CFAP69: variants seen among roughly 807,000 people sequenced by gnomAD.
CFAP69 encodes cilia and flagella associated protein 69.
Under a neutral mutation model 123.0 loss-of-function variants are expected in CFAP69, and 92 were observed. That is an observed-to-expected ratio of 0.75 (90% CI 0.63 to 0.89). CFAP69 has a LOEUF of 0.89. CFAP69 is among the 40% of genes least tolerant of loss of function. The pLI is 0.00. For missense variants in CFAP69, 1,067 were observed against 1,096.9 expected (o/e 0.97, Z 0.39); for synonymous variants, 380 against 364.3 (o/e 1.04, Z -0.49).
intron 15 of CFAP69, 70 bp downstream of exon 15, chr7:90,288,422 C>G: frequency 6.6e-7 from 1 of 1,510,106 alleles, no homozygotes; most frequent in Non-Finnish European, 9.0e-7. Context: ...AGTGAGGATA[C>G]TTTCTGAGAA....
At chr7:90,313,652 A>G (rs1584581810), downstream of CFAP69, among the ~76,000 whole-genome samples, 4 of 152,222 alleles carry the variant, frequency 2.6e-5, no homozygotes, top group Admixed American at 2.0e-4. Flanking sequence ...ATTATAAACC[A>G]AAGTATAAAC....
At chr7:90,259,497 T>C (rs1273117874) in intron 3 of CFAP69, among the ~76,000 whole-genome samples, 1 of 151,898 alleles carries the variant, frequency 6.6e-6, no homozygotes, top group Non-Finnish European at 1.5e-5. Context: ...TGTTTGTTTG[T>C]TTTTGACACA....
chr7:90,255,024 G>T (rs1212685056), intron 1 of CFAP69, among the ~76,000 whole-genome samples: 1 of 152,146 alleles, frequency 6.6e-6, no homozygotes, highest in Non-Finnish European at 1.5e-5. Context: ...GAGATAAGGG[G>T]ATACCTAGTT....
At chr7:90,272,520 T>C (rs1800101430) in intron 8 of CFAP69, among the ~76,000 whole-genome samples, 1 of 152,188 alleles carries the variant, frequency 6.6e-6, no homozygotes, top group Non-Finnish European at 1.5e-5. Context: ...TATTGTAAGA[T>C]GCTACATGTT....
In CFAP69 at chr7:90,282,961, G is replaced by A. The variant is rs368749822; in HGVS notation, c.1442G>A (p.Arg481His). 7.9e-5 allele frequency: 127 copies of A among 1,599,354 alleles called. No homozygotes were observed. Among genetic ancestry groups the A allele is most frequent in the African/African-American group, 1.3e-4 (10 of 74,076 alleles). ...CGAGGCAACAAGTTTGCCCAGATGC[G>A]TTACAGTTTAAGACTCCTGAGAGCC... is the stretch of plus-strand genomic sequence containing the variant. ...GGRGNKFAQM[R>H]YSLRLLRAVV... Residue 481 changes from arginine to histidine, a missense_variant, in exon 13 of 23, where the codon CGT becomes CAT. Physicochemically the swap from Arg to His is conservative, Grantham distance 29. Transcript: ENST00000389297.
chr7:90,307,939 T>A (rs1362733809), intron 21 of CFAP69, 85 bp downstream of exon 21: 1 of 831,632 alleles, frequency 1.2e-6, no homozygotes, highest in Non-Finnish European at 1.9e-6. Flanking sequence ...ATTCATTCAT[T>A]TTTTCCTAGT....
rs752904110 is a variant in CFAP69 at position 90,279,805 on chromosome 7, A to T, written c.1284A>T (p.Ser428=). 1.9e-6 allele frequency: 3 copies of T among 1,612,844 alleles called. No individual in the cohort carries two copies. The highest frequency in any genetic ancestry group is 2.5e-6 in the Non-Finnish European group (3 of 1,179,618). The change falls in exon 12 of 23, where the codon TCA becomes TCT. Residue 428 remains serine, a synonymous_variant. Coordinates refer to ENST00000389297, the MANE Select transcript of CFAP69 (RefSeq NM_001039706.3). ...AACTGCATGCAATTGCCACTTTGTCATCAGTGGCTCCTTTATTAATAGAAG... is the reference window on the plus strand; with the variant it reads ...AACTGCATGCAATTGCCACTTTGTCTTCAGTGGCTCCTTTATTAATAGAAG... ...ELQLHAIATL[S]SVAPLLIEEY...
At chr7:90,293,038 A>G (rs1418957716) in intron 15 of CFAP69, among the ~76,000 whole-genome samples, 1 of 152,234 alleles carries the variant, frequency 6.6e-6, no homozygotes, top group Non-Finnish European at 1.5e-5. Context: ...TCAGTGGCAT[A>G]CAACGATTTT....
chr7:90,306,594 T>G (rs1793625471), intron 19 of CFAP69, among the ~76,000 whole-genome samples: 1 of 152,198 alleles, frequency 6.6e-6, no homozygotes. Flanking sequence ...CAGCAGTTTC[T>G]GCAGCTGTGA....
the CFAP69 span, chr7:90,318,565 A>G: frequency 6.6e-6 from 1 of 152,092 alleles, no homozygotes; most frequent in Admixed American, 6.5e-5. Flanking sequence ...ATTAATATAT[A>G]AGATACCTTA....
At chr7:90,291,223 A>G (rs557768714) in intron 15 of CFAP69, among the ~76,000 whole-genome samples, 8 of 152,176 alleles carry the variant, frequency 5.3e-5, no homozygotes, top group African/African-American at 1.7e-4. Context: ...TCCCATTTGT[A>G]TGGTTATTTC....
rs570155326 is a variant in CFAP69 at position 90,245,430 on chromosome 7, G to C, written c.6G>C (p.Trp2Cys). 1.3e-5 allele frequency: 21 copies of C among 1,558,698 alleles called. No homozygotes were observed. In the East Asian group the frequency reaches 2.3e-4, roughly 17 times the overall value. Residue 2 changes from tryptophan (W) to cysteine (C), a missense_variant, in exon 1 of 23, where the codon TGG becomes TGC. Coordinates refer to ENST00000389297, the MANE Select transcript of CFAP69 (RefSeq NM_001039706.3). ...CCACCCCGCCGCCACCGGCCATGTGGACAGAGGAAGCCGGGGCGACCGCCG... is the reference window on the plus strand; with the variant it reads ...CCACCCCGCCGCCACCGGCCATGTGCACAGAGGAAGCCGGGGCGACCGCCG... MWTEEAGATAEA... is the reference protein window; with the variant it reads MCTEEAGATAEA...
At chr7:90,254,472 C>T (rs929691554) in intron 1 of CFAP69, among the ~76,000 whole-genome samples, 6 of 151,982 alleles carry the variant, frequency 3.9e-5, no homozygotes, top group African/African-American at 7.3e-5. Flanking sequence ...TGTTGGATGC[C>T]GGGAGTGCCT....
intron 1 of CFAP69, among the ~76,000 whole-genome samples, chr7:90,250,366 C>A (rs1365154695): frequency 6.6e-6 from 1 of 152,090 alleles, no homozygotes; most frequent in Non-Finnish European, 1.5e-5. Context: ...GGTCCCAGGG[C>A]CTCAGTTTCA....
In CFAP69 at chr7:90,261,452, C is replaced by G. The variant is rs530299050; in HGVS notation, c.247-495C>G. On this transcript the variant is annotated intron_variant, in intron 3 of 22. Coordinates refer to ENST00000389297, the MANE Select transcript of CFAP69 (RefSeq NM_001039706.3). ...CTTTCATATTAGTTTCAGATAAAAT[C>G]CTAACCAATTTAAGCCTTAAACACA... 2.0e-5 allele frequency among the ~76,000 whole-genome samples: 3 copies of G among 152,166 alleles called. No homozygotes were observed. The South Asian group carries it at 6.2e-4, about 32-fold the overall frequency.
At chr7:90,293,030 A>G (rs1345975691) in intron 15 of CFAP69, among the ~76,000 whole-genome samples, 1 of 152,198 alleles carries the variant, frequency 6.6e-6, no homozygotes, top group Non-Finnish European at 1.5e-5. Flanking sequence ...TAGTTATCTC[A>G]GTGGCATACA....
intron 6 of CFAP69, among the ~76,000 whole-genome samples, 158 bp from the exon 7 acceptor site, chr7:90,271,368 G>GA (rs144866991): frequency 0.015 from 2,299 of 152,162 alleles, 77 homozygotes; most frequent in African/African-American, 0.053. Context: ...GCCCTTTACA[G>GA]AAAAAATGTG....
intron 5 of CFAP69, among the ~76,000 whole-genome samples, chr7:90,266,794 T>C (rs1234121781): frequency 1.3e-5 from 2 of 152,188 alleles, no homozygotes; most frequent in Admixed American, 6.6e-5. Context: ...GTATATAAGA[T>C]GAAATGTTGA....
rs1445164476 is a variant in CFAP69, at chr7:90,245,239, C to A, written c.-186C>A. 4 of 666,174 alleles carry A rather than the reference C, an allele frequency of 6.0e-6. No homozygotes were observed. Among genetic ancestry groups the A allele is most frequent in the African/African-American group, 5.7e-5 (3 of 52,852 alleles). 41.3% of individuals were successfully genotyped at this position (666,174 alleles called of 1,614,324 possible). A position where few individuals can be genotyped will look rare whatever the true frequency, so the allele number is the denominator to read the frequency against. Reference sequence around the variant, plus strand: ...GAGGTCTGGGTCAACTGGGGGGCGGCAGCGGCGCTAAGCGGACTGTATGGC... The same window carrying A: ...GAGGTCTGGGTCAACTGGGGGGCGGAAGCGGCGCTAAGCGGACTGTATGGC... On this transcript the variant is annotated 5_prime_UTR_variant, in exon 1 of 23. Coordinates refer to ENST00000389297, the MANE Select transcript of CFAP69 (RefSeq NM_001039706.3).
Sources: gnomAD v4.1 joint callset for allele counts (sites outside exome capture counted in the v4.1 genomes callset) on GRCh38, gnomAD v4.1.1 for gene constraint, MANE v1.5 for transcripts, NCBI Gene and HGNC (gene_info 2026-07-23, HGNC 2026-07-21) for gene names.